The following GEMIN2 variants were observed in gnomAD, a reference collection of about 807,000 sequenced individuals.
GEMIN2 encodes the protein gem-associated protein 2.
Under a neutral mutation model 45.8 loss-of-function variants are expected in GEMIN2, and 37 were observed. That is an observed-to-expected ratio of 0.81 (90% confidence interval 0.62 to 1.06). The LOEUF (loss-of-function observed/expected upper bound fraction) is 1.06, where lower values mean the gene tolerates loss of function less well. GEMIN2 is among the 50% of genes least tolerant of loss of function. The pLI is 0.00. For synonymous variants in GEMIN2, 101 were observed against 111.5 expected, an observed-to-expected ratio of 0.91 and a Z score of 0.60; for missense variants, 335 against 321.8, an observed-to-expected ratio of 1.04 and a Z score of -0.31.
At position 39,132,664 on chromosome 14, in the gene GEMIN2, C is replaced by CTCT. The variant is rs1555334512; in HGVS notation, c.711+597_711+598insCTT. ...CCAAGATGGCTGCTGTAGCTTCAGC[C>CTCT]TTTTTTTTTTTTTTTTTTTTTTCTT... On this transcript the variant is annotated intron_variant, in intron 8 of 9. Coordinates refer to ENST00000308317, the MANE Select transcript of GEMIN2 (RefSeq NM_003616.3). Among the ~76,000 whole-genome samples the CTCT allele has an allele frequency of 3.7e-3, 234 of 62,756 alleles. 1 individual carries two copies. Among genetic ancestry groups the CTCT allele is most frequent in the Middle Eastern group, 0.022 (2 of 90 alleles). 41.2% of individuals were successfully genotyped at this position (62,756 alleles called of 152,430 possible).
chr14:39,114,761 CTTG>C, intron 1 of GEMIN2, 65 bp from the exon 2 acceptor site: 1 of 899,902 alleles, frequency 1.1e-6, no homozygotes, highest in Non-Finnish European at 1.8e-6. Context: ...AAGTGGATCG[CTTG>C]TTTTACTACA....
At chr14:39,134,074 G>C (rs190961130) in intron 9 of GEMIN2, 178 of 159,624 alleles carry the variant, frequency 1.1e-3, no homozygotes, top group Non-Finnish European at 1.5e-3. Flanking sequence ...AGGGATTACA[G>C]GTGTAAAGCC....
chr14:39,114,595 T>G (rs1015545771), intron 1 of GEMIN2, 120 bp downstream of exon 1: 17 of 758,378 alleles, frequency 2.2e-5, no homozygotes, highest in Non-Finnish European at 3.6e-5. Context: ...GATTCTGGAT[T>G]ACATCCTAAC....
At chr14:39,126,891 T>A (rs1290073410) in intron 6 of GEMIN2, among the ~76,000 whole-genome samples, 1 of 151,844 alleles carries the variant, frequency 6.6e-6, no homozygotes, top group African/African-American at 2.4e-5. Flanking sequence ...TCAGCCTCCC[T>A]AGTAGCTAGG....
At chr14:39,134,947 T>C (rs1276282759) in intron 9 of GEMIN2, among the ~76,000 whole-genome samples, 1 of 152,240 alleles carries the variant, frequency 6.6e-6, no homozygotes, top group Non-Finnish European at 1.5e-5. Context: ...ATCTCTACTC[T>C]TTACAATAGA....
chr14:39,114,692 A>T (rs1305064983), intron 1 of GEMIN2, 137 bp from the exon 2 acceptor site: 1 of 655,040 alleles, frequency 1.5e-6, no homozygotes, highest in Non-Finnish European at 2.7e-6. Context: ...TCAGAAATAC[A>T]TTGTTTAGTA....
chr14:39,128,378 G>A (rs763883249), intron 7 of GEMIN2, 30 bp downstream of exon 7: 1 of 1,268,392 alleles, frequency 7.9e-7, no homozygotes, highest in East Asian at 2.4e-5. Flanking sequence ...TTTTCATAAT[G>A]TAGGCAAAAA....
At chr14:39,118,273 A>C (rs1414107858) in intron 3 of GEMIN2, among the ~76,000 whole-genome samples, 185 bp downstream of exon 3, 5 of 152,176 alleles carry the variant, frequency 3.3e-5, no homozygotes, top group Non-Finnish European at 7.4e-5. Flanking sequence ...GTTTATTTTT[A>C]TTTGTTTGTT....
intron 6 of GEMIN2, among the ~76,000 whole-genome samples, chr14:39,127,004 C>T (rs1049311817): frequency 2.7e-5 from 4 of 150,632 alleles, no homozygotes; most frequent in Admixed American, 6.6e-5. Flanking sequence ...ACCTTGTGAT[C>T]CACCCGCCTC....
At chr14:39,126,807 C>T (rs1272719603) in intron 6 of GEMIN2, among the ~76,000 whole-genome samples, 6 of 152,038 alleles carry the variant, frequency 3.9e-5, no homozygotes, top group Admixed American at 3.9e-4. Flanking sequence ...CGCTCTGTCG[C>T]CAGGCTGGAG....
rs1566538211 is a variant in GEMIN2, at chr14:39,133,669, A to T, written c.720A>T (p.Lys240Asn). 6.7e-7 allele frequency: 1 copy of T among 1,499,934 alleles called. No homozygotes were observed. Among genetic ancestry groups the T allele is most frequent in the Non-Finnish European group, 9.0e-7 (1 of 1,107,096 alleles). The allele number at this position is 1,499,934 out of a possible 1,614,324, so 92.9% of individuals were successfully genotyped here. The change falls in exon 9 of 10, where the codon AAA (lysine) becomes AAT (asparagine). Residue 240 changes from lysine to asparagine, a missense_variant. Lys to Asn is a moderately conservative substitution (Grantham distance 94). Transcript: ENST00000308317. ...TCTTTTTTTTTTTTTAGGATAGCAA[A>T]GATGATGAGAGGGTTCCTGCTTTGA... Reference protein sequence around the residue: ...CSEVRLLVDSKDDERVPALNL... With the variant: ...CSEVRLLVDSNDDERVPALNL...
At chr14:39,119,163 C>T (rs1478006817) in intron 4 of GEMIN2, among the ~76,000 whole-genome samples, 1 of 152,090 alleles carries the variant, frequency 6.6e-6, no homozygotes, top group Admixed American at 6.6e-5. Flanking sequence ...TTCTTCTAGA[C>T]ATTTACTTTC....
chr14:39,133,914 C>A lies in GEMIN2; in HGVS notation c.770+195C>A, dbSNP rs931949487. 1.4e-5 allele frequency: 5 copies of A among 369,664 alleles called. No homozygotes were observed. The East Asian group carries it at 1.8e-4, about 14-fold the overall frequency. The allele number at this position is 369,664 out of a possible 1,614,324, so 22.9% of individuals were successfully genotyped here. ...GCTCCAGCAATCCTCCCACCTCAGC[C>A]TCCTGAGTAGCTAGGACCACAACCA... On this transcript the variant is annotated intron_variant, in intron 9 of 9. Coordinates refer to ENST00000308317, the MANE Select transcript of GEMIN2 (RefSeq NM_003616.3).
chr14:39,116,386 T>C (rs1211311362), intron 2 of GEMIN2, among the ~76,000 whole-genome samples: 1 of 150,648 alleles, frequency 6.6e-6, no homozygotes, highest in African/African-American at 2.4e-5. Context: ...CAAAGGAGGG[T>C]GGCATTTTAT....
intron 2 of GEMIN2, among the ~76,000 whole-genome samples, chr14:39,115,942 A>G (rs531841347): frequency 6.6e-6 from 1 of 151,202 alleles, no homozygotes; most frequent in Admixed American, 6.6e-5. Context: ...CAAGCAAACA[A>G]ATAATTACAT....
At chr14:39,123,207 A>G (rs1202610896) in intron 5 of GEMIN2, among the ~76,000 whole-genome samples, 6 of 152,168 alleles carry the variant, frequency 3.9e-5, no homozygotes, top group African/African-American at 1.2e-4. Context: ...ATGCCTCTGC[A>G]TTAGCGCTTA....
intron 1 of GEMIN2, 65 bp downstream of exon 1, chr14:39,114,540 T>TACA: frequency 1.7e-6 from 2 of 1,204,770 alleles, no homozygotes; most frequent in Non-Finnish European, 1.2e-6. Context: ...CAGCCCTCGG[T>TACA]GCTCTATTCC....
chr14:39,133,723 T>G lies in GEMIN2; in HGVS notation c.770+4T>G, dbSNP rs758776070. ...TATTAATCTGCTTGGTTAGCAGGTATAGTTAATCCTTGGCTTCTTTATTAT... is the reference window on the plus strand; with the variant it reads ...TATTAATCTGCTTGGTTAGCAGGTAGAGTTAATCCTTGGCTTCTTTATTAT... On this transcript the variant is annotated splice_donor_region_variant and intron_variant, in intron 9 of 9. Transcript: ENST00000308317. The G allele has an allele frequency of 6.1e-6, 9 of 1,469,384 alleles. No homozygotes were observed. The highest frequency in any genetic ancestry group is 8.4e-6 in the Non-Finnish European group (9 of 1,070,622). The allele number at this position is 1,469,384 out of a possible 1,614,324, so 91.0% of individuals were successfully genotyped here. A position where few individuals can be genotyped will look rare whatever the true frequency, so the allele number is the denominator to read the frequency against.
In GEMIN2 at chr14:39,114,441, C is replaced by A; in HGVS notation, c.103C>A (p.Pro35Thr). Reference protein sequence around the residue: ...LTEGFDPSVPPRTPQEYLRRV... With the variant: ...LTEGFDPSVPTRTPQEYLRRV... The stretch of plus-strand genomic sequence containing the variant: ...GGAAGGTTTCGATCCCTCGGTACCC[C>A]CGAGGACGCCTCAGGAATACCTGAG... Residue 35 changes from proline (P) to threonine (T), a missense_variant, in exon 1 of 10, where the codon CCG becomes ACG. Coordinates refer to ENST00000308317, the MANE Select transcript of GEMIN2 (RefSeq NM_003616.3). 3.1e-6 allele frequency: 5 copies of A among 1,613,922 alleles called. No individual in the cohort carries two copies. Among genetic ancestry groups the A allele is most frequent in the Non-Finnish European group, 4.2e-6 (5 of 1,179,848 alleles).
Sources: allele counts gnomAD v4.1 joint callset (sites outside exome capture counted in the v4.1 genomes callset), GRCh38; gene constraint gnomAD v4.1.1; transcripts MANE v1.5; gene names NCBI Gene and HGNC (gene_info 2026-07-23, HGNC 2026-07-21).